Variants in KLF8 observed in about 807,000 individuals in gnomAD.
KLF8 encodes KLF transcription factor 8, also known as Krueppel-like factor 8.
A neutral mutation model predicts 18.2 loss-of-function variants in KLF8; 10 were observed. That is an observed-to-expected ratio of 0.55 (90% confidence interval 0.34 to 0.93). KLF8 has a LOEUF of 0.93. KLF8 is among the 40% of genes least tolerant of loss of function. KLF8 has a pLI of 0.02. For synonymous variants in KLF8, 109 were observed against 97.3 expected (o/e 1.12, Z -0.71); for missense variants, 264 against 277.9 (o/e 0.95, Z 0.36).
the KLF8 span, among the ~76,000 whole-genome samples, chrX:56,191,777 TA>T: frequency 9.0e-6 from 1 of 111,378 alleles, no homozygotes; most frequent in African/African-American, 3.3e-5. Flanking sequence ...AAATTCAACA[TA>T]ACTTTATGTT....
the KLF8 span, among the ~76,000 whole-genome samples, chrX:55,919,969 C>T: frequency 0.14 from 15,238 of 111,254 alleles, 1,991 homozygotes; most frequent in African/African-American, 0.41. Flanking sequence ...ACAAAACCAG[C>T]CCACTAAACA....
chrX:56,013,708 G>A, the KLF8 span, among the ~76,000 whole-genome samples: 1 of 111,167 alleles, frequency 9.0e-6, no homozygotes, highest in Non-Finnish European at 1.9e-5. Context: ...CCCTCACTAG[G>A]CAGTCGTTCT....
the KLF8 span, among the ~76,000 whole-genome samples, chrX:55,984,884 T>C: frequency 9.0e-6 from 1 of 111,504 alleles, no homozygotes; most frequent in East Asian, 2.8e-4. Flanking sequence ...GATGTTGAGA[T>C]TTTTTTTCAT....
At chrX:56,074,193 C>T in the KLF8 span, among the ~76,000 whole-genome samples, 61 of 112,260 alleles carry the variant, frequency 5.4e-4, no homozygotes, top group South Asian at 1.5e-3. Flanking sequence ...ATATTACAGC[C>T]TTATCAGATA....
chrX:56,132,704 C>CAAAAA, the KLF8 span, among the ~76,000 whole-genome samples: 2 of 110,740 alleles, frequency 1.8e-5, no homozygotes, highest in Non-Finnish European at 3.8e-5. Flanking sequence ...CAAAAAAATA[C>CAAAAA]AAAAGATAAA....
chrX:56,052,577 C>G, the KLF8 span, among the ~76,000 whole-genome samples: 1 of 111,774 alleles, frequency 8.9e-6, no homozygotes, highest in Non-Finnish European at 1.9e-5. Context: ...AGTTAGGCTG[C>G]CCGGGGGTCA....
the KLF8 span, among the ~76,000 whole-genome samples, chrX:55,939,624 A>G: frequency 1.9e-4 from 21 of 111,607 alleles, no homozygotes; most frequent in Non-Finnish European, 2.4e-4. Flanking sequence ...TGGATAGACC[A>G]CTAGCAAGAG....
chrX:55,934,492 C>G, the KLF8 span, among the ~76,000 whole-genome samples: 8 of 112,236 alleles, frequency 7.1e-5, no homozygotes. Flanking sequence ...TTTCAGCCAT[C>G]TCTTTGAATG....
chrX:56,050,705 G>T, the KLF8 span, among the ~76,000 whole-genome samples: 1 of 112,007 alleles, frequency 8.9e-6, no homozygotes, highest in Non-Finnish European at 1.9e-5. Context: ...GTCAATTTTG[G>T]AATATGTGTG....
At chrX:56,260,238 A>G (rs1381301916) in intron 2 of KLF8, among the ~76,000 whole-genome samples, 2 of 111,425 alleles carry the variant, frequency 1.8e-5, no homozygotes, top group South Asian at 7.9e-4. Context: ...ATCTGCAAAG[A>G]TACTTTTTCC....
At chrX:56,243,942 A>G (rs1487947260) in intron 1 of KLF8, among the ~76,000 whole-genome samples, 2 of 111,782 alleles carry the variant, frequency 1.8e-5, no homozygotes, top group African/African-American at 6.5e-5. Context: ...TTTGGGGGAA[A>G]TGAGATAAAT....
the KLF8 span, among the ~76,000 whole-genome samples, chrX:56,106,669 G>A: frequency 8.9e-6 from 1 of 111,835 alleles, no homozygotes; most frequent in Non-Finnish European, 1.9e-5. Context: ...TGTTCCTTTA[G>A]CTCATAGAAG....
At chrX:56,025,842 G>A in the KLF8 span, among the ~76,000 whole-genome samples, 2 of 111,634 alleles carry the variant, frequency 1.8e-5, no homozygotes, top group Non-Finnish European at 3.8e-5. Flanking sequence ...GTGTTCCTAG[G>A]CACTCATAAT....
intron 1 of KLF8, among the ~76,000 whole-genome samples, chrX:56,240,512 T>G (rs1418212300): frequency 1.8e-5 from 2 of 111,286 alleles, no homozygotes. Context: ...GAGCAATGAG[T>G]TTTTGCTGCT....
At chrX:56,110,482 A>G in the KLF8 span, among the ~76,000 whole-genome samples, 6 of 111,900 alleles carry the variant, frequency 5.4e-5, no homozygotes, top group Admixed American at 9.4e-5. Flanking sequence ...AATCGGAAGG[A>G]CTTCTGCTAT....
chrX:56,123,759 T>G, the KLF8 span, among the ~76,000 whole-genome samples: 1 of 112,111 alleles, frequency 8.9e-6, no homozygotes, highest in African/African-American at 3.2e-5. Flanking sequence ...TAAAGAATTA[T>G]TTTTCCAGGG....
the KLF8 span, among the ~76,000 whole-genome samples, chrX:56,076,210 T>C: frequency 9.2e-6 from 1 of 109,022 alleles, no homozygotes; most frequent in African/African-American, 3.4e-5. Context: ...TACATATGTA[T>C]ACATGTGTGA....
chrX:55,940,371 C>T, the KLF8 span, among the ~76,000 whole-genome samples: 29 of 111,443 alleles, frequency 2.6e-4, no homozygotes, highest in African/African-American at 6.9e-4. Context: ...ATTGATGGGA[C>T]GTATCTCAAA....
intron 2 of KLF8, among the ~76,000 whole-genome samples, chrX:56,255,035 T>C (rs896214704): frequency 8.9e-6 from 1 of 112,765 alleles, no homozygotes; most frequent in Non-Finnish European, 1.9e-5. Flanking sequence ...ACAATATTGA[T>C]TCTTCCAATC....
Sources: gnomAD v4.1 joint callset for allele counts (sites outside exome capture counted in the v4.1 genomes callset) on GRCh38, gnomAD v4.1.1 for gene constraint, MANE v1.5 for transcripts, NCBI Gene and HGNC (gene_info 2026-07-23, HGNC 2026-07-21) for gene names.